Variants in MOSMO observed in about 807,000 individuals in gnomAD.
The protein encoded by MOSMO is modulator of smoothened, also known as modulator of smoothened protein.
Under a neutral mutation model 18.4 loss-of-function variants are expected in MOSMO, and 5 were observed. The ratio of observed to expected loss-of-function variants is 0.27; its 90% CI spans 0.14 to 0.57. The LOEUF is 0.57. MOSMO is among the 20% of genes least tolerant of loss of function. The pLI is 0.92. For synonymous variants in MOSMO, 82 were observed against 82.3 expected, an observed-to-expected ratio of 1.00 and a Z score of 0.02; for missense variants, 138 against 211.8, an observed-to-expected ratio of 0.65 and a Z score of 2.16.
At chr16:22,054,066 C>A (rs917882520) in intron 1 of MOSMO, among the ~76,000 whole-genome samples, 2 of 151,298 alleles carry the variant, frequency 1.3e-5, no homozygotes, top group African/African-American at 4.9e-5. Context: ...TTTTGCCAAA[C>A]CATATAAGAA....
chr16:22,021,920 A>G (rs1010269631), intron 1 of MOSMO, among the ~76,000 whole-genome samples: 2 of 152,136 alleles, frequency 1.3e-5, no homozygotes, highest in Non-Finnish European at 1.5e-5. Flanking sequence ...TTTTTCATGT[A>G]TAAATGGGGA....
At chr16:22,068,271 T>C (rs1255273577) in intron 1 of MOSMO, among the ~76,000 whole-genome samples, 2 of 152,216 alleles carry the variant, frequency 1.3e-5, no homozygotes, top group East Asian at 1.9e-4. Flanking sequence ...TGGAGCTATA[T>C]TGGAGTAAAG....
intron 1 of MOSMO, among the ~76,000 whole-genome samples, chr16:22,059,607 G>A (rs1401979264): frequency 6.6e-6 from 1 of 152,134 alleles, no homozygotes; most frequent in Non-Finnish European, 1.5e-5. Flanking sequence ...GGGAAGCAAG[G>A]CACCTTCTTC....
intron 1 of MOSMO, among the ~76,000 whole-genome samples, chr16:22,030,658 T>C (rs186871754): frequency 6.6e-6 from 1 of 152,242 alleles, no homozygotes; most frequent in Admixed American, 6.5e-5. Flanking sequence ...ACCTCCCAAG[T>C]AGCTGGTATT....
intron 1 of MOSMO, among the ~76,000 whole-genome samples, chr16:22,064,892 A>G (rs930353487): frequency 2.6e-5 from 4 of 152,172 alleles, no homozygotes; most frequent in Admixed American, 6.5e-5. Context: ...ATCCTTCCAC[A>G]TATTTTCTAT....
chr16:22,019,913 T>A (rs76836168), intron 1 of MOSMO, among the ~76,000 whole-genome samples: 5,117 of 152,090 alleles, frequency 0.034, 256 homozygotes, highest in African/African-American at 0.11. Context: ...TTCTTTTTTT[T>A]AAAAAATGTA....
chr16:22,084,553 A>G lies in MOSMO; in HGVS notation c.*3673A>G, dbSNP rs576444105. On this transcript the variant is annotated 3_prime_UTR_variant, in exon 3 of 3. Coordinates refer to ENST00000542527, the MANE Select transcript of MOSMO (RefSeq NM_001164579.2). Reference sequence around the variant, plus strand: ...TTTTCAATTAATAGTTTCAAAACAAATTGTTAATACAACTGTATAAAATGA... The same window carrying G: ...TTTTCAATTAATAGTTTCAAAACAAGTTGTTAATACAACTGTATAAAATGA... The G allele has an allele frequency of 1.4e-4, 21 of 152,298 alleles. No individual in the cohort carries two copies. Among genetic ancestry groups the G allele is most frequent in the Non-Finnish European group, 2.4e-4 (16 of 68,028 alleles). The allele number at this position is 152,298 out of a possible 1,614,324, so 9.4% of individuals were successfully genotyped here.
At chr16:22,050,790 G>A (rs1900407461) in intron 1 of MOSMO, among the ~76,000 whole-genome samples, 1 of 151,580 alleles carries the variant, frequency 6.6e-6, no homozygotes, top group Admixed American at 6.6e-5. Flanking sequence ...TTAGCTACTT[G>A]GGAGGATGAG....
At chr16:22,054,371 C>T (rs1900492278) in intron 1 of MOSMO, among the ~76,000 whole-genome samples, 1 of 152,192 alleles carries the variant, frequency 6.6e-6, no homozygotes, top group South Asian at 2.1e-4. Flanking sequence ...GCTGGACATA[C>T]AGGCATGAGC....
At chr16:22,028,093 A>G (rs1899913224) in intron 1 of MOSMO, among the ~76,000 whole-genome samples, 1 of 152,176 alleles carries the variant, frequency 6.6e-6, no homozygotes, top group African/African-American at 2.4e-5. Flanking sequence ...TATCCAGAAG[A>G]TGTAAAGTAT....
At position 22,008,374 on chromosome 16, in the gene MOSMO, A is replaced by C. The variant is rs1355224757; in HGVS notation, c.73A>C (p.Asn25His). The C allele has an allele frequency of 5.2e-6, 8 of 1,533,404 alleles. No homozygotes were observed. In the East Asian group the frequency reaches 2.0e-4, roughly 38 times the overall value. The allele number at this position is 1,533,404 out of a possible 1,614,324, so 95.0% of individuals were successfully genotyped here. Residue 25 changes from asparagine (N) to histidine (H), a missense_variant, in exon 1 of 3, where the codon AAC becomes CAC. Physicochemically the swap from Asn to His is moderately conservative, Grantham distance 68. Coordinates refer to ENST00000542527, the MANE Select transcript of MOSMO (RefSeq NM_001164579.2). Reference protein sequence around the residue: ...ADIFAIASIANPDWINTGESA... With the variant: ...ADIFAIASIAHPDWINTGESA... ...TATCTTCGCCATCGCCAGCATCGCC[A>C]ACCCGGACTGGATCAACACCGGGGA...
intron 1 of MOSMO, among the ~76,000 whole-genome samples, chr16:22,065,844 T>C (rs1347530567): frequency 6.6e-6 from 1 of 152,194 alleles, no homozygotes; most frequent in Non-Finnish European, 1.5e-5. Flanking sequence ...TGAGTTTAAT[T>C]TCTGGAATGG....
intron 1 of MOSMO, among the ~76,000 whole-genome samples, chr16:22,049,978 T>C (rs576828497): frequency 7.9e-5 from 12 of 152,348 alleles, no homozygotes; most frequent in African/African-American, 2.9e-4. Context: ...TCGTGGCTGT[T>C]GTATCCATGC....
At chr16:22,017,573 T>C (rs1227236262) in intron 1 of MOSMO, among the ~76,000 whole-genome samples, 5 of 152,106 alleles carry the variant, frequency 3.3e-5, no homozygotes, top group African/African-American at 1.2e-4. Flanking sequence ...TCATCCTTTA[T>C]CAACTACAAA....
At chr16:22,055,289 TG>T (rs1194523981) in intron 1 of MOSMO, among the ~76,000 whole-genome samples, 2 of 152,146 alleles carry the variant, frequency 1.3e-5, no homozygotes, top group Non-Finnish European at 2.9e-5. Flanking sequence ...CTTCTGTGTG[TG>T]TTAGTCAACA....
intron 1 of MOSMO, among the ~76,000 whole-genome samples, chr16:22,073,445 CAGG>C (rs1300892736): frequency 2.6e-5 from 4 of 151,978 alleles, no homozygotes; most frequent in East Asian, 3.9e-4. Flanking sequence ...GCTGAATGAT[CAGG>C]AGGAGTTTCC....
At chr16:22,014,834 A>G (rs557001140) in intron 1 of MOSMO, among the ~76,000 whole-genome samples, 12 of 152,340 alleles carry the variant, frequency 7.9e-5, no homozygotes, top group African/African-American at 2.9e-4. Flanking sequence ...TAAAAGGGCA[A>G]ACATTTTGAG....
intron 1 of MOSMO, among the ~76,000 whole-genome samples, chr16:22,048,686 G>A (rs1015301558): frequency 1.3e-5 from 2 of 151,904 alleles, no homozygotes; most frequent in African/African-American, 4.8e-5. Flanking sequence ...GTCTCACGTT[G>A]TTTTTCAAAT....
At chr16:22,013,952 GAAAT>G (rs1037176308) in intron 1 of MOSMO, among the ~76,000 whole-genome samples, 5 of 151,944 alleles carry the variant, frequency 3.3e-5, no homozygotes, top group African/African-American at 1.2e-4. Flanking sequence ...GGGCAAAAAA[GAAAT>G]AAGGTATTTA....
Sources: gnomAD v4.1 joint callset for allele counts (sites outside exome capture counted in the v4.1 genomes callset) on GRCh38, gnomAD v4.1.1 for gene constraint, MANE v1.5 for transcripts, NCBI Gene and HGNC (gene_info 2026-07-23, HGNC 2026-07-21) for gene names.